Variants in KDM1A observed in about 807,000 individuals in gnomAD.
KDM1A encodes lysine demethylase 1A, also known as lysine-specific histone demethylase 1A.
In KDM1A, 49 loss-of-function variants were observed where a neutral mutation model predicts 109.4. The observed-to-expected ratio is 0.45, with a 90% CI of 0.36 to 0.57. The LOEUF (loss-of-function observed/expected upper bound fraction) is 0.57. Among genes scored for constraint, KDM1A ranks in the 20% least tolerant of loss-of-function variants. The pLI, the probability that KDM1A is intolerant of heterozygous loss-of-function variation, is 0.00. For synonymous variants in KDM1A, 380 were observed against 415.4 expected (o/e 0.91, Z 1.04); for missense variants, 668 against 1,116.6 (o/e 0.60, Z 5.73).
At chr1:23,047,441 A>G (rs1233482384) in intron 3 of KDM1A, among the ~76,000 whole-genome samples, 1 of 152,214 alleles carries the variant, frequency 6.6e-6, no homozygotes, top group Non-Finnish European at 1.5e-5. Flanking sequence ...CCAAGCATAC[A>G]TTAATGTCAC....
chr1:23,081,613 G>C (rs900943303), intron 19 of KDM1A, 40 bp downstream of exon 19: 4 of 1,610,302 alleles, frequency 2.5e-6, no homozygotes, highest in Non-Finnish European at 3.4e-6. Context: ...CTAGGGTTCA[G>C]ACTCAACCAG....
In KDM1A at chr1:23,079,186, C is replaced by T; in HGVS notation, c.2055+9C>T. On this transcript the variant is annotated intron_variant, in intron 17 of 20. Transcript: ENST00000400181. This position sits in a 1 kb window ranked among gnomAD's most constrained non-coding sequence, Gnocchi z 5.6. ...TTGGCAACCTTAACAAGGTAGCTTG[C>T]CCTAGACACTCCTGTCTACAGATCT... 1 of 1,612,902 alleles carries T rather than the reference C, an allele frequency of 6.2e-7. No individual in the cohort carries two copies. The highest frequency in any genetic ancestry group is 2.2e-5 in the East Asian group (1 of 44,876).
At chr1:23,061,479 G>T (rs891620719) in intron 9 of KDM1A, among the ~76,000 whole-genome samples, 2 of 152,164 alleles carry the variant, frequency 1.3e-5, no homozygotes, top group African/African-American at 4.8e-5. Context: ...TGTATTTGGT[G>T]CAGTAGCCAA....
intron 1 of KDM1A, 148 bp from the exon 2 acceptor site, chr1:23,030,321 C>G: frequency 2.0e-6 from 1 of 488,276 alleles, no homozygotes. Context: ...TTAATAACTA[C>G]CTATTATGAG....
intron 2 of KDM1A, among the ~76,000 whole-genome samples, chr1:23,039,818 T>A (rs1045116379): frequency 6.6e-6 from 1 of 152,346 alleles, no homozygotes; most frequent in East Asian, 1.9e-4. Context: ...AACAAAAGTT[T>A]CCTTGTAGGT....
chr1:23,036,770 G>C (rs1642159149), intron 2 of KDM1A, among the ~76,000 whole-genome samples: 1 of 152,078 alleles, frequency 6.6e-6, no homozygotes, highest in South Asian at 2.1e-4. Flanking sequence ...GGCATATAGA[G>C]GTAGGAAGGG....
At chr1:23,066,006 G>A (rs989683825) in intron 9 of KDM1A, 54 bp from the exon 10 acceptor site, 4 of 1,598,852 alleles carry the variant, frequency 2.5e-6, no homozygotes, top group Non-Finnish European at 3.4e-6. Context: ...ACTTGATGTG[G>A]CTGTTGGGCT....
Position 23,057,581 on chromosome 1 carries a change from T to C in KDM1A, c.1072+16T>C. 1.3e-6 allele frequency: 2 copies of C among 1,587,440 alleles called. No individual in the cohort carries two copies. The highest frequency in any genetic ancestry group is 1.7e-6 in the Non-Finnish European group (2 of 1,155,874). On this transcript the variant is annotated intron_variant, in intron 8 of 20. Transcript: ENST00000400181. ...ACAGGTCTTGGTAAGTAGCTATTGG[T>C]TTGTGCTATATAGTACATGGTCTAA... is the stretch of plus-strand genomic sequence containing the variant.
intron 6 of KDM1A, 141 bp downstream of exon 6, chr1:23,055,302 A>T (rs201822414): frequency 7.5e-6 from 3 of 400,538 alleles, no homozygotes; most frequent in Middle Eastern, 6.5e-4. Context: ...TTATCTTCTT[A>T]AAGTCAAGTT....
At chr1:23,046,501 G>T (rs1031241672) in intron 3 of KDM1A, among the ~76,000 whole-genome samples, 3 of 151,970 alleles carry the variant, frequency 2.0e-5, no homozygotes, top group African/African-American at 7.3e-5. Context: ...CTCTCATGGA[G>T]GCCTTCTTTT....
intron 1 of KDM1A, among the ~76,000 whole-genome samples, chr1:23,024,768 G>C (rs187158810): frequency 1.3e-5 from 2 of 152,362 alleles, no homozygotes; most frequent in South Asian, 2.1e-4. Context: ...TGGAGTTTAA[G>C]TATTTCATCT....
At position 23,029,510 on chromosome 1, in the gene KDM1A, G is replaced by A. The variant is rs116276375; in HGVS notation, c.352-959G>A. Among the ~76,000 whole-genome samples, 1,246 of 152,210 alleles carry A rather than the reference G, an allele frequency of 8.2e-3. 14 individuals carry two copies. The highest frequency in any genetic ancestry group is 0.012 in the Non-Finnish European group (821 of 68,018). ...TGTCTTACACTCCTTTACCCTCAAT[G>A]ACACATTCACTAAGACTGCTTCCTC... On this transcript the variant is annotated intron_variant, in intron 1 of 20. Coordinates refer to ENST00000400181, the MANE Select transcript of KDM1A (RefSeq NM_001009999.3).
At chr1:23,020,341 A>T (rs534592256) in intron 1 of KDM1A, 86 of 161,174 alleles carry the variant, frequency 5.3e-4, no homozygotes, top group Non-Finnish European at 1.5e-4. Context: ...GTTGGGCGAT[A>T]TTGATGGCGT....
intron 5 of KDM1A, among the ~76,000 whole-genome samples, chr1:23,054,328 T>C (rs909418403): frequency 2.6e-5 from 4 of 152,108 alleles, no homozygotes; most frequent in African/African-American, 9.7e-5. Context: ...GAGGCTAAGG[T>C]GGGAGGATTT....
Position 23,057,517 on chromosome 1 carries a change from A to G in KDM1A, c.1024A>G (p.Lys342Glu). The G allele has an allele frequency of 6.2e-7, 1 of 1,613,966 alleles. No homozygotes were observed. The highest frequency in any genetic ancestry group is 8.5e-7 in the Non-Finnish European group (1 of 1,179,910). Residue 342 changes from lysine (K) to glutamate (E), a missense_variant, in exon 8 of 21, where the codon AAA becomes GAA. Physicochemically the swap from Lys to Glu is moderately conservative, Grantham distance 56 (BLOSUM62 1). Coordinates refer to ENST00000400181, the MANE Select transcript of KDM1A (RefSeq NM_001009999.3). ...GGGTGGACGAGTTGCCACATTTCGC[A>G]AAGGAAACTATGTAGCTGATCTTGG... ...RVGGRVATFR[K>E]GNYVADLGAM...
At chr1:23,059,244 A>G (rs1642927980) in intron 9 of KDM1A, 77 bp downstream of exon 9, 1 of 979,064 alleles carries the variant, frequency 1.0e-6, no homozygotes, top group African/African-American at 1.6e-5. Flanking sequence ...GGTATGGATG[A>G]GCATATACAT....
intron 1 of KDM1A, among the ~76,000 whole-genome samples, chr1:23,025,447 C>G (rs113289593): frequency 0.012 from 1,892 of 151,718 alleles, 51 homozygotes; most frequent in African/African-American, 0.043. Flanking sequence ...TCTTCTGCCT[C>G]AGCCCTCAGA....
intron 1 of KDM1A, among the ~76,000 whole-genome samples, chr1:23,022,002 T>C (rs935048078): frequency 1.3e-5 from 2 of 152,252 alleles, no homozygotes; most frequent in African/African-American, 4.8e-5. Context: ...ATTCAGTACT[T>C]GATAACTCTT....
intron 2 of KDM1A, among the ~76,000 whole-genome samples, chr1:23,036,343 A>G (rs760070319): frequency 2.0e-5 from 3 of 152,122 alleles, no homozygotes; most frequent in African/African-American, 4.8e-5. Flanking sequence ...TCATTTTGAC[A>G]TGCTAGTGTA....
Sources: gnomAD v4.1 joint callset for allele counts (sites outside exome capture counted in the v4.1 genomes callset) on GRCh38, gnomAD v4.1.1 for gene constraint, Gnocchi (gnomAD v3.1) non-coding constraint, MANE v1.5 for transcripts, NCBI Gene and HGNC (gene_info 2026-07-23, HGNC 2026-07-21) for gene names.